AAK1: variants seen among roughly 807,000 people sequenced by gnomAD.
AAK1 encodes AP2-associated protein kinase 1.
Under a neutral mutation model 116.0 loss-of-function variants are expected in AAK1, and 37 were observed. That is an observed-to-expected ratio of 0.32 (90% CI 0.25 to 0.42). AAK1 has a LOEUF of 0.42. AAK1 is among the 10% of genes least tolerant of loss of function. The pLI, the probability that AAK1 is intolerant of heterozygous loss-of-function variation, is 1.00. For synonymous variants in AAK1, 458 were observed against 439.9 expected, an observed-to-expected ratio of 1.04 and a Z score of -0.51; for missense variants, 919 against 1,170.6, an observed-to-expected ratio of 0.79 and a Z score of 3.14.
chr2:69,566,974 T>C (rs1671897245), intron 2 of AAK1, among the ~76,000 whole-genome samples: 1 of 152,114 alleles, frequency 6.6e-6, no homozygotes, highest in Non-Finnish European at 1.5e-5. Flanking sequence ...CTTAATATCA[T>C]TTGAAACTTC....
At chr2:69,523,373 C>T (rs958462517) in intron 10 of AAK1, among the ~76,000 whole-genome samples, 3 of 152,112 alleles carry the variant, frequency 2.0e-5, no homozygotes, top group African/African-American at 4.8e-5. Flanking sequence ...AAGTTTGCTA[C>T]GTTTATTAAA....
At chr2:69,612,424 A>C (rs1674127185) in intron 2 of AAK1, among the ~76,000 whole-genome samples, 1 of 152,234 alleles carries the variant, frequency 6.6e-6, no homozygotes, top group Non-Finnish European at 1.5e-5. Flanking sequence ...TGTGGAGATA[A>C]ATAAGATAAT....
intron 20 of AAK1, chr2:69,478,643 T>G: frequency 3.8e-6 from 1 of 266,468 alleles, no homozygotes; most frequent in Non-Finnish European, 7.2e-6. Flanking sequence ...TTGTAGAGAC[T>G]GAGACTCCGT....
At chr2:69,615,477 G>A (rs889934034) in intron 2 of AAK1, among the ~76,000 whole-genome samples, 1 of 152,252 alleles carries the variant, frequency 6.6e-6, no homozygotes, top group South Asian at 2.1e-4. Context: ...GGCCTGAGGA[G>A]TTTCTAGAAG....
chr2:69,629,620 G>A (rs1675073585), intron 2 of AAK1, among the ~76,000 whole-genome samples: 1 of 152,118 alleles, frequency 6.6e-6, no homozygotes. Flanking sequence ...TATACGATTG[G>A]AATAGGGATA....
chr2:69,612,531 A>G (rs1010978193), intron 2 of AAK1, among the ~76,000 whole-genome samples: 4 of 152,254 alleles, frequency 2.6e-5, no homozygotes, highest in African/African-American at 9.6e-5. Flanking sequence ...GTTTCACCAG[A>G]AAACGACAAC....
chr2:69,476,779 T>G (rs1489451624), intron 21 of AAK1, 101 bp downstream of exon 21: 1 of 758,098 alleles, frequency 1.3e-6, no homozygotes, highest in Non-Finnish European at 2.2e-6. Flanking sequence ...ATGTCCTTCA[T>G]TAAATGTTGA....
At chr2:69,510,226 C>T (rs559711792) in intron 13 of AAK1, among the ~76,000 whole-genome samples, 3 of 152,226 alleles carry the variant, frequency 2.0e-5, no homozygotes, top group East Asian at 3.9e-4. Flanking sequence ...GAGGCCCCAG[C>T]GTCTGTTGTT....
chr2:69,503,775 C>T (rs1214576740), intron 16 of AAK1, among the ~76,000 whole-genome samples: 1 of 152,168 alleles, frequency 6.6e-6, no homozygotes, highest in Non-Finnish European at 1.5e-5. Flanking sequence ...CCCACCTCGG[C>T]CTCTCAAAGT....
chr2:69,534,179 C>T (rs946709240), intron 5 of AAK1, among the ~76,000 whole-genome samples: 2 of 152,200 alleles, frequency 1.3e-5, no homozygotes, highest in Admixed American at 1.3e-4. Context: ...TTATCCTTCT[C>T]TCACAGATGG....
At chr2:69,576,340 T>C (rs1572972490) in intron 2 of AAK1, among the ~76,000 whole-genome samples, 1 of 152,320 alleles carries the variant, frequency 6.6e-6, no homozygotes, top group East Asian at 1.9e-4. Flanking sequence ...GGTTTTTTTT[T>C]TCTAACTTTT....
intron 13 of AAK1, among the ~76,000 whole-genome samples, chr2:69,512,705 C>T (rs527261567): frequency 6.6e-6 from 1 of 152,370 alleles, no homozygotes; most frequent in Admixed American, 6.5e-5. Context: ...TCTGTTTCCT[C>T]TCTGTCCCCA....
intron 2 of AAK1, among the ~76,000 whole-genome samples, chr2:69,602,739 A>AGCAAAGAG (rs1196557115): frequency 2.0e-5 from 3 of 152,196 alleles, no homozygotes; most frequent in Middle Eastern, 3.2e-3. Context: ...ATGAGCAAAG[A>AGCAAAGAG]CTTCAGAGCT....
In AAK1 at chr2:69,514,463, A is replaced by G; in HGVS notation, c.1776+8T>C. The G allele has an allele frequency of 6.5e-7, 1 of 1,534,206 alleles. No individual in the cohort carries two copies. Among genetic ancestry groups the G allele is most frequent in the Non-Finnish European group, 8.8e-7 (1 of 1,137,814 alleles). On this transcript the variant is annotated splice_region_variant and intron_variant, in intron 13 of 21. Transcript: ENST00000409085. ...GCTTTTGTGCTCTGAGCTCTGGTTG[A>G]TTCTTACCGCTGGCTCCTGGGCAGG...
At chr2:69,587,472 TA>T (rs1572983077) in intron 2 of AAK1, among the ~76,000 whole-genome samples, 5 of 146,062 alleles carry the variant, frequency 3.4e-5, no homozygotes, top group African/African-American at 1.3e-4. Flanking sequence ...TATATATATA[TA>T]TATATTTTTT....
chr2:69,617,239 T>C (rs1235371753), intron 2 of AAK1, among the ~76,000 whole-genome samples: 1 of 152,188 alleles, frequency 6.6e-6, no homozygotes, highest in African/African-American at 2.4e-5. Context: ...CCCTAGAAGA[T>C]ATAAGTGAAT....
rs1674666057 is a variant in AAK1 at position 69,471,212 on chromosome 2, T to C, written c.*4657A>G. ...TCAAAGTGTGAACCAAGAACGTGTCTTTAATTCTAGCAACTACCACCATTT... is the reference window on the plus strand; with the variant it reads ...TCAAAGTGTGAACCAAGAACGTGTCCTTAATTCTAGCAACTACCACCATTT... On this transcript the variant is annotated 3_prime_UTR_variant, in exon 22 of 22. Coordinates refer to ENST00000409085, the MANE Select transcript of AAK1 (RefSeq NM_014911.5). 2 of 985,334 alleles carry C rather than the reference T, an allele frequency of 2.0e-6. No individual in the cohort carries two copies. Among genetic ancestry groups the C allele is most frequent in the African/African-American group, 3.5e-5 (2 of 57,242 alleles). The allele number at this position is 985,334 out of a possible 1,614,324, so 61.0% of individuals were successfully genotyped here. A position where few individuals can be genotyped will look rare whatever the true frequency, so the allele number is the denominator to read the frequency against.
At position 69,537,495 on chromosome 2, in the gene AAK1, C is replaced by A. The variant is rs192938266; in HGVS notation, c.534+5028G>T. Among the ~76,000 whole-genome samples, 74 of 152,344 alleles carry A rather than the reference C, an allele frequency of 4.9e-4. 1 individual carries two copies. Among genetic ancestry groups the A allele is most frequent in the Admixed American group, 1.7e-3 (26 of 15,308 alleles). On this transcript the variant is annotated intron_variant, in intron 5 of 21. Transcript: ENST00000409085. Reference sequence around the variant, plus strand: ...GCCCGAAGTAGGCCTGGCCCGTGCTCTTTCCCTCATCCTATTAACTTTTAT... The same window carrying A: ...GCCCGAAGTAGGCCTGGCCCGTGCTATTTCCCTCATCCTATTAACTTTTAT...
chr2:69,466,529 G>A lies in AAK1; in HGVS notation c.*9340C>T. The stretch of plus-strand genomic sequence containing the variant: ...AGTGCTCTACAGTTATTACAGGACA[G>A]GGATTGGACTCCCTCTGGAGATCTA... On this transcript the variant is annotated 3_prime_UTR_variant, in exon 22 of 22. Coordinates refer to ENST00000409085, the MANE Select transcript of AAK1 (RefSeq NM_014911.5). The A allele has an allele frequency of 8.3e-7, 1 of 1,206,082 alleles. No individual in the cohort carries two copies. The highest frequency in any genetic ancestry group is 1.1e-6 in the Non-Finnish European group (1 of 947,018). 74.7% of individuals were successfully genotyped at this position (1,206,082 alleles called of 1,614,324 possible).
Sources: gnomAD v4.1 joint callset for allele counts (sites outside exome capture counted in the v4.1 genomes callset) on GRCh38, gnomAD v4.1.1 for gene constraint, MANE v1.5 for transcripts, NCBI Gene and HGNC (gene_info 2026-07-23, HGNC 2026-07-21) for gene names.